BDNF: variants seen among roughly 807,000 people sequenced by gnomAD.
BDNF encodes the protein brain derived neurotrophic factor, also known as neurotrophic factor BDNF precursor form.
Under a neutral mutation model 19.5 loss-of-function variants are expected in BDNF, and 1 was observed. The ratio of observed to expected loss-of-function variants is 0.05; its 90% CI spans 0.02 to 0.24. The LOEUF (loss-of-function observed/expected upper bound fraction) is 0.24. BDNF is among the 10% of genes least tolerant of loss of function. The pLI, the probability that BDNF is intolerant of heterozygous loss-of-function variation, is 1.00. For missense variants in BDNF, 195 were observed against 317.6 expected (o/e 0.61, Z 2.93); for synonymous variants, 100 against 121.6 (o/e 0.82, Z 1.17).
intron 1 of BDNF, among the ~76,000 whole-genome samples, chr11:27,693,884 G>A (rs759298043): frequency 1.2e-4 from 18 of 152,130 alleles, no homozygotes; most frequent in Non-Finnish European, 2.6e-4. Flanking sequence ...TAAATCCCAT[G>A]TGGCAAAAAT....
upstream of BDNF, chr11:27,700,620 G>T (rs1487858128): frequency 4.1e-6 from 4 of 978,648 alleles, no homozygotes; most frequent in African/African-American, 5.4e-5. Context: ...TCTTTTCCTC[G>T]CGCGGGGAAC....
upstream of BDNF, among the ~76,000 whole-genome samples, chr11:27,703,853 T>A (rs1590475946): frequency 6.6e-6 from 1 of 152,222 alleles, no homozygotes; most frequent in African/African-American, 2.4e-5. Context: ...CAATACTGTA[T>A]GCGACCAGCT....
intron 1 of BDNF, among the ~76,000 whole-genome samples, chr11:27,660,519 A>T (rs1306338994): frequency 6.6e-6 from 1 of 152,206 alleles, no homozygotes; most frequent in Non-Finnish European, 1.5e-5. Context: ...ACTGAATGAA[A>T]AAGCTTTCTC....
At chr11:27,706,753 T>C (rs894721427) in intron 1 of BDNF, among the ~76,000 whole-genome samples, 5 of 152,188 alleles carry the variant, frequency 3.3e-5, no homozygotes, top group Admixed American at 6.5e-5. Flanking sequence ...GACACAGCTG[T>C]TGGGAAAAAC....
At chr11:27,666,331 G>A (rs892098477) in intron 1 of BDNF, among the ~76,000 whole-genome samples, 2 of 152,202 alleles carry the variant, frequency 1.3e-5, no homozygotes, top group African/African-American at 4.8e-5. Context: ...CCAGAGCAGA[G>A]AAGCTGAAAA....
At chr11:27,714,289 C>T (rs1860438403) in intron 1 of BDNF, among the ~76,000 whole-genome samples, 1 of 152,148 alleles carries the variant, frequency 6.6e-6, no homozygotes, top group South Asian at 2.1e-4. Flanking sequence ...CCTTGGGCTA[C>T]CTGCTTCCTT....
intron 1 of BDNF, among the ~76,000 whole-genome samples, chr11:27,673,138 C>T (rs529035903): frequency 7.9e-5 from 12 of 151,956 alleles, no homozygotes; most frequent in Admixed American, 5.9e-4. Context: ...GCTAAGGGAC[C>T]GCCTCCTTCA....
intron 1 of BDNF, among the ~76,000 whole-genome samples, chr11:27,682,641 G>A (rs1856989243): frequency 1.3e-5 from 2 of 152,048 alleles, no homozygotes; most frequent in East Asian, 1.9e-4. Flanking sequence ...TCCCACTTAT[G>A]AGTGAGAACA....
At chr11:27,710,714 T>G (rs553567993) in intron 1 of BDNF, among the ~76,000 whole-genome samples, 1 of 152,210 alleles carries the variant, frequency 6.6e-6, no homozygotes, top group Non-Finnish European at 1.5e-5. Context: ...GAGAGGGTGT[T>G]CCTCATCACA....
intron 1 of BDNF, among the ~76,000 whole-genome samples, chr11:27,709,402 T>C (rs1257064335): frequency 6.6e-6 from 1 of 151,620 alleles, no homozygotes; most frequent in East Asian, 1.9e-4. Context: ...TAATTAGTTT[T>C]GTCCTACCAT....
At chr11:27,695,332 G>C (rs1351243563) in intron 1 of BDNF, among the ~76,000 whole-genome samples, 2 of 152,022 alleles carry the variant, frequency 1.3e-5, no homozygotes, top group African/African-American at 4.8e-5. Context: ...TTGCCTTCTA[G>C]GTTTTATTTC....
At chr11:27,716,248 A>G (rs1334226924) in intron 1 of BDNF, among the ~76,000 whole-genome samples, 17 of 152,196 alleles carry the variant, frequency 1.1e-4, no homozygotes, top group Admixed American at 1.1e-3. Context: ...TTTTGTTGAA[A>G]AATTTAATCT....
intron 1 of BDNF, among the ~76,000 whole-genome samples, chr11:27,711,757 C>A (rs1374964973): frequency 6.6e-6 from 1 of 152,154 alleles, no homozygotes; most frequent in Non-Finnish European, 1.5e-5. Context: ...AAATACAAAA[C>A]AAATAACAGC....
In BDNF at chr11:27,656,366, G is replaced by C. The variant is rs979764961; in HGVS notation, c.*1455C>G. ...GGTGGGCATAAGTCGGCTTGAGTGT[G>C]GTCCTCCAGTCGAGAACCTCTTGAG... is the stretch of plus-strand genomic sequence containing the variant. On this transcript the variant is annotated 3_prime_UTR_variant, in exon 2 of 2. Transcript: ENST00000356660. 9.5e-6 allele frequency: 2 copies of C among 209,768 alleles called. No individual in the cohort carries two copies. Among genetic ancestry groups the C allele is most frequent in the Non-Finnish European group, 1.7e-5 (2 of 120,402 alleles). The allele number at this position is 209,768 out of a possible 1,614,324, so 13.0% of individuals were successfully genotyped here. A position where few individuals can be genotyped will look rare whatever the true frequency, so the allele number is the denominator to read the frequency against.
intron 1 of BDNF, chr11:27,673,996 A>G (rs1201391473): frequency 2.3e-5 from 34 of 1,466,156 alleles, no homozygotes; most frequent in Non-Finnish European, 3.0e-5. Context: ...TCAAACTATT[A>G]TCAAGAAATC....
intron 1 of BDNF, among the ~76,000 whole-genome samples, chr11:27,679,638 A>G (rs1856605134): frequency 6.6e-6 from 1 of 152,200 alleles, no homozygotes; most frequent in Non-Finnish European, 1.5e-5. Flanking sequence ...CCTCAAGAGA[A>G]GTGCTTCAGT....
rs565027377 is a variant in BDNF at position 27,662,855 on chromosome 11, A to C, written c.-21-4270T>G. On this transcript the variant is annotated intron_variant, in intron 1 of 1. Coordinates refer to ENST00000356660, the MANE Select transcript of BDNF (RefSeq NM_001709.5). ...ACAATCCATGGCCTGGGTGTTGCGGATCCCTGCTCTAAGGAATTTGACAGA... is the reference window on the plus strand; with the variant it reads ...ACAATCCATGGCCTGGGTGTTGCGGCTCCCTGCTCTAAGGAATTTGACAGA... Among the ~76,000 whole-genome samples, 23 of 152,284 alleles carry C rather than the reference A, an allele frequency of 1.5e-4. No homozygotes were observed. In the East Asian group the frequency reaches 2.1e-3, roughly 14 times the overall value.
chr11:27,689,545 A>G (rs1298045977), intron 1 of BDNF, among the ~76,000 whole-genome samples: 5 of 152,230 alleles, frequency 3.3e-5, no homozygotes, highest in African/African-American at 1.2e-4. Context: ...TTTTGGTCTC[A>G]GTACCAATGC....
intron 1 of BDNF, among the ~76,000 whole-genome samples, chr11:27,707,772 T>A (rs7937405): frequency 1 from 151,974 of 152,310 alleles, 75,821 homozygotes; most frequent in Non-Finnish European, 1. Flanking sequence ...TTTGGTTGGT[T>A]GTCACTGCCA....
Sources: gnomAD v4.1 joint callset for allele counts (sites outside exome capture counted in the v4.1 genomes callset) on GRCh38, gnomAD v4.1.1 for gene constraint, MANE v1.5 for transcripts, NCBI Gene and HGNC (gene_info 2026-07-23, HGNC 2026-07-21) for gene names.